Variants in SH3BGRL2 observed in about 807,000 individuals in gnomAD.
The protein encoded by SH3BGRL2 is SH3 domain binding glutamate rich protein like 2.
A neutral mutation model predicts 14.8 loss-of-function variants in SH3BGRL2; 21 were observed. That is an observed-to-expected ratio of 1.42 (90% confidence interval 1.01 to 2.05). SH3BGRL2 has a LOEUF of 2.05. SH3BGRL2 is among the 30% of genes most tolerant of loss of function. SH3BGRL2 has a pLI of 0.00. For missense variants in SH3BGRL2, 147 were observed against 130.8 expected (o/e 1.12, Z -0.61); for synonymous variants, 50 against 47.8 (o/e 1.05, Z -0.19).
At chr6:79,645,492 G>T (rs762570887) in intron 1 of SH3BGRL2, among the ~76,000 whole-genome samples, 4 of 152,060 alleles carry the variant, frequency 2.6e-5, no homozygotes, top group Non-Finnish European at 5.9e-5. Flanking sequence ...TTGCCTTAGG[G>T]CCTGTATCCT....
chr6:79,641,035 A>G (rs1769021699), intron 1 of SH3BGRL2, among the ~76,000 whole-genome samples: 1 of 152,202 alleles, frequency 6.6e-6, no homozygotes, highest in Admixed American at 6.5e-5. Flanking sequence ...AGCAATAAGC[A>G]TAGCTTTTGA....
At chr6:79,579,767 T>A in the SH3BGRL2 span, among the ~76,000 whole-genome samples, 1 of 152,134 alleles carries the variant, frequency 6.6e-6, no homozygotes, top group South Asian at 2.1e-4. Context: ...CCAGCGAACA[T>A]CATAATGACG....
At chr6:79,561,193 T>TCAA in the SH3BGRL2 span, 1 of 151,846 alleles carries the variant, frequency 6.6e-6, no homozygotes, top group East Asian at 1.9e-4. Flanking sequence ...AATACATTCT[T>TCAA]TAATAATAAG....
At chr6:79,661,381 G>A (rs888579889) in intron 1 of SH3BGRL2, among the ~76,000 whole-genome samples, 2 of 152,032 alleles carry the variant, frequency 1.3e-5, no homozygotes, top group East Asian at 3.9e-4. Flanking sequence ...CCTTCATTTC[G>A]TTATTTACCC....
chr6:79,638,456 T>C (rs1768968502), intron 1 of SH3BGRL2, among the ~76,000 whole-genome samples: 1 of 152,218 alleles, frequency 6.6e-6, no homozygotes, highest in Non-Finnish European at 1.5e-5. Flanking sequence ...TTCCTTTGGA[T>C]AAATTCTCTG....
At chr6:79,611,096 C>T in the SH3BGRL2 span, among the ~76,000 whole-genome samples, 109 of 152,272 alleles carry the variant, frequency 7.2e-4, 2 homozygotes, top group East Asian at 0.018. Flanking sequence ...TATATATCAG[C>T]TTTACCCTAA....
At position 79,699,817 on chromosome 6, in the gene SH3BGRL2, CAG is replaced by C. The variant is rs931532817; in HGVS notation, c.*314_*315del. 1 of 366,720 alleles carries C rather than the reference CAG, an allele frequency of 2.7e-6. No homozygotes were observed. Among genetic ancestry groups the C allele is most frequent in the Non-Finnish European group, 4.8e-6 (1 of 207,642 alleles). The allele number at this position is 366,720 out of a possible 1,614,324, so 22.7% of individuals were successfully genotyped here. ...CTGAAAGATAAGTGGGTAGCACCGT[CAG>C]AGAGAAAATGTTGGATCTGCCCTAG... is the stretch of plus-strand genomic sequence containing the variant. On this transcript the variant is annotated 3_prime_UTR_variant, in exon 4 of 4. Transcript: ENST00000369838.
chr6:79,692,235 C>G (rs893231286), intron 2 of SH3BGRL2, among the ~76,000 whole-genome samples: 8 of 152,120 alleles, frequency 5.3e-5, no homozygotes, highest in Non-Finnish European at 8.8e-5. Flanking sequence ...TATTTGAGTT[C>G]ATTGTAGATT....
At chr6:79,669,308 C>T (rs1327940291) in intron 1 of SH3BGRL2, among the ~76,000 whole-genome samples, 2 of 152,026 alleles carry the variant, frequency 1.3e-5, no homozygotes, top group Non-Finnish European at 2.9e-5. Flanking sequence ...GGTGAGCCCT[C>T]AAGGATAAAA....
At position 79,673,746 on chromosome 6, in the gene SH3BGRL2, AC is replaced by A. The variant is rs1466719241; in HGVS notation, c.179del (p.Thr60IlefsTer36). On this transcript the variant is annotated frameshift_variant, in exon 2 of 4. Transcript: ENST00000369838. LOFTEE classifies it high-confidence loss of function. ...AAACGTCCCCCCGGAAAAGAAACCC[AC>A]TCAGGGCAACCCCCTGCCACCTCAG... Reference protein sequence around the residue: ...YKNVPPEKKPTQGNPLPPQIF... With the variant: ...YKNVPPEKKPXQGNPLPPQIF... The A allele has an allele frequency of 6.2e-7, 1 of 1,613,922 alleles. No homozygotes were observed. The highest frequency in any genetic ancestry group is 8.5e-7 in the Non-Finnish European group (1 of 1,179,950).
At chr6:79,580,339 A>G in the SH3BGRL2 span, among the ~76,000 whole-genome samples, 4 of 152,228 alleles carry the variant, frequency 2.6e-5, no homozygotes, top group South Asian at 8.3e-4. Flanking sequence ...CAGAATATAC[A>G]TTCTTCTCAG....
At chr6:79,642,639 T>G (rs890155152) in intron 1 of SH3BGRL2, among the ~76,000 whole-genome samples, 1 of 152,188 alleles carries the variant, frequency 6.6e-6, no homozygotes, top group Non-Finnish European at 1.5e-5. Flanking sequence ...CATCCCTGCC[T>G]TAAACTTCAT....
Position 79,648,173 on chromosome 6 carries a change from GC to G in SH3BGRL2, c.45+16669del, listed in dbSNP as rs556571845. ...ACCTTTCAGAGCTTACAGCTTCAAG[GC>G]CTTTTTGGTCTGGCATTTTGGGCCC... On this transcript the variant is annotated intron_variant, in intron 1 of 3. Transcript: ENST00000369838. Among the ~76,000 whole-genome samples the G allele has an allele frequency of 4.7e-3, 682 of 146,630 alleles. 3 individuals carry two copies. The highest frequency in any genetic ancestry group is 7.4e-3 in the Middle Eastern group (2 of 270).
Position 79,643,777 on chromosome 6 carries a change from A to G in SH3BGRL2, c.45+12271A>G, listed in dbSNP as rs374918686. Among the ~76,000 whole-genome samples the G allele has an allele frequency of 8.5e-4, 130 of 152,278 alleles. 1 individual carries two copies. The South Asian group carries it at 0.026, about 30-fold the overall frequency. On this transcript the variant is annotated intron_variant, in intron 1 of 3. Transcript: ENST00000369838. ...GCCAGATCTGTACCGTCTTCCTCCTATAGATATGTCCCAGAGGAAGACTTC... is the reference window on the plus strand; with the variant it reads ...GCCAGATCTGTACCGTCTTCCTCCTGTAGATATGTCCCAGAGGAAGACTTC...
chr6:79,662,589 T>G (rs1486367063), intron 1 of SH3BGRL2, among the ~76,000 whole-genome samples: 1 of 152,204 alleles, frequency 6.6e-6, no homozygotes, highest in Non-Finnish European at 1.5e-5. Context: ...TTTTTTTCCT[T>G]CATTTCAACC....
At chr6:79,633,785 C>T in intron 1 of SH3BGRL2, among the ~76,000 whole-genome samples, 1 of 152,104 alleles carries the variant, frequency 6.6e-6, no homozygotes. Context: ...TCTGTAATAT[C>T]CATACTTTTA....
At chr6:79,619,401 C>A in the SH3BGRL2 span, among the ~76,000 whole-genome samples, 1 of 152,118 alleles carries the variant, frequency 6.6e-6, no homozygotes, top group Non-Finnish European at 1.5e-5. Flanking sequence ...CTTCCTCATT[C>A]TTTATTGTTA....
At chr6:79,588,781 G>C in the SH3BGRL2 span, among the ~76,000 whole-genome samples, 18 of 152,144 alleles carry the variant, frequency 1.2e-4, no homozygotes, top group East Asian at 3.5e-3. Context: ...TTGAACCTGA[G>C]CACTTCCCAG....
intron 1 of SH3BGRL2, among the ~76,000 whole-genome samples, chr6:79,639,745 T>C (rs1353026546): frequency 2.0e-5 from 3 of 152,226 alleles, no homozygotes; most frequent in African/African-American, 7.2e-5. Flanking sequence ...GAGACCCTTT[T>C]AGGCTTCAGG....
Sources: allele counts gnomAD v4.1 joint callset (sites outside exome capture counted in the v4.1 genomes callset), GRCh38; gene constraint gnomAD v4.1.1; transcripts MANE v1.5; gene names NCBI Gene and HGNC (gene_info 2026-07-23, HGNC 2026-07-21).